The following TAF2 variants were observed in gnomAD, a reference collection of about 807,000 sequenced individuals.
The protein encoded by TAF2 is transcription initiation factor TFIID subunit 2.
TAF2 carries 61 observed loss-of-function variants against 138.5 expected under a neutral mutation model. The observed-to-expected ratio is 0.44, with a 90% confidence interval of 0.36 to 0.54. TAF2 has a LOEUF of 0.54. Among genes scored for constraint, TAF2 ranks in the 20% least tolerant of loss-of-function variants. The pLI, the probability that TAF2 is intolerant of heterozygous loss-of-function variation, is 0.00. For missense variants in TAF2, 1,090 were observed against 1,427.9 expected (o/e 0.76, Z 3.81); for synonymous variants, 475 against 469.9 (o/e 1.01, Z -0.14).
chr8:119,733,550 A>G (rs1482595617), intron 25 of TAF2, among the ~76,000 whole-genome samples: 5 of 152,208 alleles, frequency 3.3e-5, no homozygotes, highest in East Asian at 1.9e-4. Flanking sequence ...CTAGGAATCT[A>G]TAACAGTAGT....
intron 2 of TAF2, among the ~76,000 whole-genome samples, chr8:119,824,855 T>C (rs757435233): frequency 8.5e-5 from 13 of 152,324 alleles, no homozygotes; most frequent in Middle Eastern, 6.8e-3. Flanking sequence ...AGAAGATGTA[T>C]GGAAATGCCT....
At chr8:119,775,731 A>T (rs1294500675) in intron 18 of TAF2, among the ~76,000 whole-genome samples, 2 of 152,070 alleles carry the variant, frequency 1.3e-5, no homozygotes, top group Non-Finnish European at 1.5e-5. Flanking sequence ...AATAAATAAA[A>T]AATAAACGTT....
intron 22 of TAF2, among the ~76,000 whole-genome samples, chr8:119,754,063 A>T (rs1490858668): frequency 6.6e-6 from 1 of 152,234 alleles, no homozygotes; most frequent in African/African-American, 2.4e-5. Flanking sequence ...AAAAAAAATT[A>T]GCAATATTTT....
intron 14 of TAF2, among the ~76,000 whole-genome samples, chr8:119,787,274 G>A (rs760715691): frequency 2.6e-5 from 4 of 152,110 alleles, no homozygotes; most frequent in Non-Finnish European, 5.9e-5. Flanking sequence ...GTTAATGGGT[G>A]CAGCACACCA....
Position 119,742,504 on chromosome 8 carries a change from A to G in TAF2, c.3337+30T>C, listed in dbSNP as rs551360936. The G allele has an allele frequency of 1.2e-4, 189 of 1,608,570 alleles. 4 individuals are homozygous for G. The South Asian group carries it at 2.0e-3, about 17-fold the overall frequency. On this transcript the variant is annotated intron_variant, in intron 25 of 25. Transcript: ENST00000378164. ...ATTTATAGATTTGTTCTTGAACAAAATAATATTAATTCTGATTAATTATTT... is the reference window on the plus strand; with the variant it reads ...ATTTATAGATTTGTTCTTGAACAAAGTAATATTAATTCTGATTAATTATTT...
chr8:119,830,216 A>G (rs374892921), intron 2 of TAF2, among the ~76,000 whole-genome samples: 10 of 152,130 alleles, frequency 6.6e-5, no homozygotes, highest in African/African-American at 2.4e-4. Flanking sequence ...CCATTCTTTT[A>G]GCTGCCTCAA....
chr8:119,764,142 T>C (rs2131069255), intron 18 of TAF2, among the ~76,000 whole-genome samples: 1 of 151,932 alleles, frequency 6.6e-6, no homozygotes, highest in East Asian at 1.9e-4. Flanking sequence ...CCAGACTCCA[T>C]CTCAAAAAAA....
Position 119,760,655 on chromosome 8 carries a change from C to T in TAF2, c.2642G>A (p.Gly881Asp). 6.2e-7 allele frequency: 1 copy of T among 1,613,932 alleles called. No homozygotes were observed. Among genetic ancestry groups the T allele is most frequent in the Non-Finnish European group, 8.5e-7 (1 of 1,179,952 alleles). Reference sequence around the variant, plus strand: ...TGCTATCCTAATGTCCACAAAGTGGCCATATTCAGCATAAGATTTAAAAAG... The same window carrying T: ...TGCTATCCTAATGTCCACAAAGTGGTCATATTCAGCATAAGATTTAAAAAG... ...PALFKSYAEY[G>D]HFVDIRIAAL... The change falls in exon 20 of 26, where the codon GGC becomes GAC. Residue 881 changes from glycine to aspartate, a missense_variant. Gly to Asp is a moderately conservative substitution (Grantham distance 94). Transcript: ENST00000378164.
rs773347068 is a variant in TAF2, at chr8:119,740,662, C to CAA, written c.3337+1870_3337+1871dup. Among the ~76,000 whole-genome samples the CAA allele has an allele frequency of 6.0e-3, 310 of 51,480 alleles. 3 individuals carry two copies. The highest frequency in any genetic ancestry group is 0.02 in the South Asian group (33 of 1,666). The allele number at this position is 51,480 out of a possible 152,430, so 33.8% of individuals were successfully genotyped here. A position where few individuals can be genotyped will look rare whatever the true frequency, so the allele number is the denominator to read the frequency against. On this transcript the variant is annotated intron_variant, in intron 25 of 25. Transcript: ENST00000378164. Reference sequence around the variant, plus strand: ...CCTGGATGACAGAGTGAGACTGTCTCAAAAAAAAAAAAAAAAAGAAAAGAA... The same window carrying CAA: ...CCTGGATGACAGAGTGAGACTGTCTCAAAAAAAAAAAAAAAAAAAGAAAAGAA...
At position 119,784,498 on chromosome 8, in the gene TAF2, C is replaced by CA. The variant is rs200493714; in HGVS notation, c.1859+702dup. 1.9e-3 allele frequency among the ~76,000 whole-genome samples: 291 copies of CA among 150,934 alleles called. 1 individual carries two copies. The highest frequency in any genetic ancestry group is 3.2e-3 in the Admixed American group (48 of 15,168). ...TGGGCAACCAAGCAAGACTCTGTCT[C>CA]AAAAAAAAATTAACACTGATTTTGA... On this transcript the variant is annotated intron_variant, in intron 15 of 25. Transcript: ENST00000378164.
chr8:119,763,274 A>G (rs1821189662), intron 18 of TAF2, among the ~76,000 whole-genome samples: 1 of 152,220 alleles, frequency 6.6e-6, no homozygotes, highest in South Asian at 2.1e-4. Context: ...AAATACCCCA[A>G]AAGTATTCAC....
At position 119,747,030 on chromosome 8, in the gene TAF2, T is replaced by A. The variant is rs1011864227; in HGVS notation, c.2879-96A>T. On this transcript the variant is annotated intron_variant, in intron 22 of 25. Transcript: ENST00000378164. ...TGAACAACAAAAGGAACTTTATAAC[T>A]GGAAAAACCTTTATCACACCTTTCA... is the stretch of plus-strand genomic sequence containing the variant. The A allele has an allele frequency of 1.8e-4, 233 of 1,270,758 alleles. 1 individual carries two copies. In the South Asian group the frequency reaches 2.9e-3, roughly 16 times the overall value. The allele number at this position is 1,270,758 out of a possible 1,614,324, so 78.7% of individuals were successfully genotyped here.
Position 119,831,661 on chromosome 8 carries a change from T to C in TAF2, c.138+16A>G, listed in dbSNP as rs1826454257. The C allele has an allele frequency of 1.3e-6, 2 of 1,592,740 alleles. No individual in the cohort carries two copies. The highest frequency in any genetic ancestry group is 1.3e-5 in the African/African-American group (1 of 74,602). The stretch of plus-strand genomic sequence containing the variant: ...GTGGACTTGTTACTATTTATAATTG[T>C]TGAGAATAAACTTACCACAACAGAT... On this transcript the variant is annotated intron_variant, in intron 2 of 25. Transcript: ENST00000378164.
intron 25 of TAF2, among the ~76,000 whole-genome samples, chr8:119,739,560 C>A (rs1173419519): frequency 6.6e-6 from 1 of 151,888 alleles, no homozygotes; most frequent in Non-Finnish European, 1.5e-5. Context: ...GTTTCCATCT[C>A]TTCTTTAAAC....
At chr8:119,742,457 G>C (rs1309218387) in intron 25 of TAF2, 77 bp downstream of exon 25, 12 of 1,556,922 alleles carry the variant, frequency 7.7e-6, no homozygotes, top group Non-Finnish European at 9.6e-6. Flanking sequence ...GTTTTTTAAA[G>C]TTGATGAAGT....
At chr8:119,760,519 C>T (rs565029533) in intron 20 of TAF2, 80 bp downstream of exon 20, 27 of 1,526,314 alleles carry the variant, frequency 1.8e-5, no homozygotes, top group Middle Eastern at 4.3e-4. Context: ...ATACATATTA[C>T]GAAAACCCCA....
At chr8:119,779,556 TAAAAAC>T (rs1215044505) in intron 17 of TAF2, among the ~76,000 whole-genome samples, 1 of 152,160 alleles carries the variant, frequency 6.6e-6, no homozygotes, top group Admixed American at 6.6e-5. Context: ...GAGCAGTTCT[TAAAAAC>T]AAAATAACAG....
rs1415537831 is a variant in TAF2, at chr8:119,790,991, G to GT, written c.1413+332_1413+333insA. 7.9e-5 allele frequency among the ~76,000 whole-genome samples: 12 copies of GT among 151,560 alleles called. 1 individual carries two copies. Among genetic ancestry groups the GT allele is most frequent in the Admixed American group, 7.9e-4 (12 of 15,170 alleles). On this transcript the variant is annotated intron_variant, in intron 11 of 25. Transcript: ENST00000378164. ...AATAAAAATTTTTTTGAGATGGGGGGGGTCTTACTATACTGCCCAGGCTGG... is the reference window on the plus strand; with the variant it reads ...AATAAAAATTTTTTTGAGATGGGGGGTGGTCTTACTATACTGCCCAGGCTGG...
At position 119,832,496 on chromosome 8, in the gene TAF2, T is replaced by C. The variant is rs751252503; in HGVS notation, c.69A>G (p.Pro23=). 1 of 1,613,764 alleles carries C rather than the reference T, an allele frequency of 6.2e-7. No homozygotes were observed. Among genetic ancestry groups the C allele is most frequent in the South Asian group, 1.1e-5 (1 of 91,082 alleles). The part of the protein sequence containing the change: ...RKKGDKGFES[P]RPYKLTHQVV... Reference sequence around the variant, plus strand: ...AAAATACTTATAATTTATATGGCCTTGGGCTTTCAAAGCCCTTGTCTCCTT... The same window carrying C: ...AAAATACTTATAATTTATATGGCCTCGGGCTTTCAAAGCCCTTGTCTCCTT... The change falls in exon 1 of 26, where the codon CCA becomes CCG. Residue 23 remains proline, a synonymous_variant. Transcript: ENST00000378164.
Sources: allele counts gnomAD v4.1 joint callset (sites outside exome capture counted in the v4.1 genomes callset), GRCh38; gene constraint gnomAD v4.1.1; transcripts MANE v1.5; gene names NCBI Gene and HGNC (gene_info 2026-07-23, HGNC 2026-07-21).